Variants in DAB1 observed in about 807,000 individuals in gnomAD.
DAB1 encodes the protein DAB adaptor protein 1, also known as disabled homolog 1.
DAB1 carries 15 observed loss-of-function variants against 64.6 expected under a neutral mutation model. The ratio of observed to expected loss-of-function variants is 0.23; its 90% CI spans 0.16 to 0.36. The LOEUF is 0.36. Ranked by LOEUF, DAB1 falls within the 10% of genes least tolerant of loss-of-function variation. The pLI is 1.00. For synonymous variants in DAB1, 235 were observed against 251.9 expected (o/e 0.93, Z 0.64); for missense variants, 596 against 706.7 (o/e 0.84, Z 1.78).
intron 1 of DAB1, among the ~76,000 whole-genome samples, chr1:57,845,202 AGT>A (rs1653226699): frequency 6.6e-6 from 1 of 152,176 alleles, no homozygotes; most frequent in Admixed American, 6.5e-5. Flanking sequence ...CGAGGGAGGA[AGT>A]GTCCCTGTGA....
At chr1:57,567,148 G>T (rs1472137896) in intron 7 of DAB1, among the ~76,000 whole-genome samples, 7 of 152,102 alleles carry the variant, frequency 4.6e-5, no homozygotes, top group Admixed American at 1.3e-4. Flanking sequence ...ATGTAATCCA[G>T]CATATAAACA....
chr1:57,205,568 C>T (rs1190568061), intron 2 of DAB1, among the ~76,000 whole-genome samples: 1 of 152,222 alleles, frequency 6.6e-6, no homozygotes, highest in African/African-American at 2.4e-5. Context: ...GATTCATCAA[C>T]TACTATGTGT....
chr1:58,411,427 G>C (rs1432543689), intron 3 of DAB1, among the ~76,000 whole-genome samples: 2 of 152,186 alleles, frequency 1.3e-5, no homozygotes, highest in Non-Finnish European at 1.5e-5. Context: ...ATAGAAGCCA[G>C]TGATATACGC....
chr1:57,676,979 C>T (rs1646574658), intron 6 of DAB1, among the ~76,000 whole-genome samples: 1 of 152,136 alleles, frequency 6.6e-6, no homozygotes, highest in Admixed American at 6.5e-5. Flanking sequence ...CCCTAAGCTC[C>T]ATTGTGACTG....
At chr1:58,106,126 T>C (rs1338084612) in intron 5 of DAB1, among the ~76,000 whole-genome samples, 1 of 151,704 alleles carries the variant, frequency 6.6e-6, no homozygotes, top group Non-Finnish European at 1.5e-5. Flanking sequence ...TTCTTCCTTC[T>C]TTTCTTTCTC....
chr1:57,358,658 C>A (rs1223618337), intron 1 of DAB1, among the ~76,000 whole-genome samples: 1 of 151,782 alleles, frequency 6.6e-6, no homozygotes, highest in East Asian at 1.9e-4. Context: ...ACAAAAGAGC[C>A]CAAATAGCCA....
intron 4 of DAB1, among the ~76,000 whole-genome samples, chr1:58,249,019 T>C (rs1476870372): frequency 6.6e-6 from 1 of 152,066 alleles, no homozygotes; most frequent in Non-Finnish European, 1.5e-5. Context: ...GCAAAGCCAC[T>C]GCAAGGCGAT....
intron 9 of DAB1, among the ~76,000 whole-genome samples, chr1:57,057,771 C>T (rs1017250188): frequency 1.9e-5 from 1 of 52,924 alleles, no homozygotes; most frequent in Non-Finnish European, 4.0e-5. Context: ...CCATGCCTGG[C>T]TAATTTTTTT....
chr1:57,196,073 A>C (rs938223773), intron 2 of DAB1, among the ~76,000 whole-genome samples: 2 of 152,160 alleles, frequency 1.3e-5, no homozygotes, highest in African/African-American at 4.8e-5. Flanking sequence ...AGTGGGATGA[A>C]GAAGGGCCAA....
chr1:57,387,025 C>T (rs1681926684), intron 1 of DAB1: 1 of 152,132 alleles, frequency 6.6e-6, no homozygotes, highest in Non-Finnish European at 1.5e-5. Context: ...TCAGTCTAAC[C>T]CTGTTTTCTT....
chr1:57,721,244 G>A (rs1009364703), intron 6 of DAB1, among the ~76,000 whole-genome samples: 1 of 152,140 alleles, frequency 6.6e-6, no homozygotes, highest in Admixed American at 6.6e-5. Flanking sequence ...TCCTGCCGCT[G>A]GAGATCACAC....
intron 5 of DAB1, among the ~76,000 whole-genome samples, chr1:57,949,170 G>A (rs78205210): frequency 2.6e-5 from 4 of 152,160 alleles, no homozygotes; most frequent in African/African-American, 4.8e-5. Context: ...CCATGGGGGG[G>A]GCTGGGGGGA....
intron 4 of DAB1, among the ~76,000 whole-genome samples, chr1:58,166,543 C>T (rs1287314686): frequency 6.6e-6 from 1 of 152,166 alleles, no homozygotes; most frequent in Non-Finnish European, 1.5e-5. Context: ...CCTTTCACCA[C>T]TACGTGAACA....
intron 6 of DAB1, among the ~76,000 whole-genome samples, chr1:57,655,397 C>T (rs1451062742): frequency 6.6e-6 from 1 of 152,098 alleles, no homozygotes; most frequent in Non-Finnish European, 1.5e-5. Context: ...TCATCCTCCA[C>T]TCTCCAGTCT....
chr1:57,283,540 G>A (rs1308745525), intron 2 of DAB1, among the ~76,000 whole-genome samples: 1 of 152,148 alleles, frequency 6.6e-6, no homozygotes. Context: ...AACACTCTAA[G>A]ATACGAACTA....
chr1:58,467,257 A>G (rs2100322945), intron 3 of DAB1, among the ~76,000 whole-genome samples: 1 of 152,352 alleles, frequency 6.6e-6, no homozygotes, highest in East Asian at 1.9e-4. Flanking sequence ...ACTCAAACAC[A>G]TCAGGCCCTG....
At chr1:58,021,528 G>A (rs1646814512) in intron 5 of DAB1, among the ~76,000 whole-genome samples, 1 of 152,112 alleles carries the variant, frequency 6.6e-6, no homozygotes, top group South Asian at 2.1e-4. Context: ...AAGAAAATAA[G>A]GGAATTCCTA....
chr1:57,997,197 G>A (rs1646438882), intron 5 of DAB1, among the ~76,000 whole-genome samples: 1 of 152,130 alleles, frequency 6.6e-6, no homozygotes, highest in Non-Finnish European at 1.5e-5. Flanking sequence ...AGTTTAACTA[G>A]TATATGATCT....
At position 57,236,184 on chromosome 1, in the gene DAB1, T is replaced by C. The variant is rs186928139; in HGVS notation, c.67+54780A>G. On this transcript the variant is annotated intron_variant, in intron 2 of 14. Coordinates refer to ENST00000371236, the MANE Select transcript of DAB1 (RefSeq NM_001365792.1). ...GCCTAGGGAGATAGTTTGTTCATCA[T>C]TCATTCACTACCTGCATACCAATTT... Among the ~76,000 whole-genome samples the C allele has an allele frequency of 3.9e-4, 59 of 152,346 alleles. No individual in the cohort carries two copies. In the East Asian group the frequency reaches 9.6e-3, roughly 25 times the overall value.
Sources: gnomAD v4.1 joint callset for allele counts (sites outside exome capture counted in the v4.1 genomes callset) on GRCh38, gnomAD v4.1.1 for gene constraint, MANE v1.5 for transcripts, NCBI Gene and HGNC (gene_info 2026-07-23, HGNC 2026-07-21) for gene names.